LARP4B: variants seen among roughly 807,000 people sequenced by gnomAD.
LARP4B encodes the protein La ribonucleoprotein 4B.
In LARP4B, 12 loss-of-function variants were observed where a neutral mutation model predicts 89.8. That is an observed-to-expected ratio of 0.13 (90% confidence interval 0.09 to 0.22). The LOEUF is 0.22. Ranked by LOEUF, LARP4B falls within the 10% of genes least tolerant of loss-of-function variation. LARP4B has a pLI of 1.00. For missense variants in LARP4B, 757 were observed against 947.7 expected (o/e 0.80, Z 2.64); for synonymous variants, 367 against 363.3 (o/e 1.01, Z -0.12).
At chr10:868,450 C>T (rs763192725) in intron 3 of LARP4B, among the ~76,000 whole-genome samples, 11 of 150,892 alleles carry the variant, frequency 7.3e-5, no homozygotes, top group Non-Finnish European at 1.6e-4. Flanking sequence ...AAGGCACCAT[C>T]GTTAAACGTG....
chr10:830,251 C>T (rs541981206), intron 9 of LARP4B, among the ~76,000 whole-genome samples: 14 of 152,324 alleles, frequency 9.2e-5, no homozygotes, highest in South Asian at 4.1e-4. Context: ...ATTCGCCACA[C>T]GGGCTGGCAG....
intron 9 of LARP4B, among the ~76,000 whole-genome samples, chr10:830,234 C>A (rs966753307): frequency 8.5e-5 from 13 of 152,164 alleles, no homozygotes; most frequent in Non-Finnish European, 8.8e-5. Context: ...CAATATCATC[C>A]GACCACATTC....
the LARP4B span, among the ~76,000 whole-genome samples, chr10:981,863 G>C: frequency 1.3e-5 from 2 of 152,070 alleles, 1 homozygote; most frequent in South Asian, 4.1e-4. Flanking sequence ...ACCGCACCCA[G>C]CCATGTACTG....
At chr10:893,017 T>C (rs1265213999) in intron 1 of LARP4B, among the ~76,000 whole-genome samples, 1 of 151,372 alleles carries the variant, frequency 6.6e-6, no homozygotes, top group Admixed American at 6.6e-5. Flanking sequence ...CTCAGGCAAT[T>C]CTCATGCCTC....
At chr10:833,842 T>C (rs1833058029) in intron 8 of LARP4B, among the ~76,000 whole-genome samples, 1 of 137,686 alleles carries the variant, frequency 7.3e-6, no homozygotes, top group South Asian at 2.2e-4. Context: ...TGAGCTGAGA[T>C]CACACCACTG....
intron 1 of LARP4B, among the ~76,000 whole-genome samples, chr10:908,077 G>T (rs1393011879): frequency 1.3e-5 from 2 of 152,272 alleles, no homozygotes; most frequent in Middle Eastern, 3.4e-3. Flanking sequence ...CTGGTGGCGG[G>T]CACCTGTAAT....
intron 1 of LARP4B, among the ~76,000 whole-genome samples, chr10:897,500 G>A (rs1289368090): frequency 1.3e-5 from 2 of 151,880 alleles, no homozygotes; most frequent in African/African-American, 2.4e-5. Context: ...GTATAAACAG[G>A]AAGAAAAAAA....
At chr10:928,983 T>C in intron 1 of LARP4B, among the ~76,000 whole-genome samples, 1 of 152,238 alleles carries the variant, frequency 6.6e-6, no homozygotes. Flanking sequence ...TTGCATTAAA[T>C]TCAATAAATT....
chr10:948,101 C>T, the LARP4B span, among the ~76,000 whole-genome samples: 6 of 152,150 alleles, frequency 3.9e-5, no homozygotes, highest in Admixed American at 2.0e-4. Flanking sequence ...CACCCACCAC[C>T]GAGATTCCTG....
the LARP4B span, among the ~76,000 whole-genome samples, chr10:967,495 A>C: frequency 9.1e-3 from 1,389 of 152,320 alleles, 23 homozygotes; most frequent in African/African-American, 0.032. Context: ...TAAAAGAATA[A>C]AGATACATTT....
chr10:884,576 G>A, intron 2 of LARP4B, 70 bp from the exon 3 acceptor site: 1 of 1,020,968 alleles, frequency 9.8e-7, no homozygotes, highest in Non-Finnish European at 1.5e-6. Flanking sequence ...TCAAACCACA[G>A]TAATTAGGCA....
At chr10:842,257 G>A (rs1156638726) in intron 7 of LARP4B, among the ~76,000 whole-genome samples, 1 of 151,814 alleles carries the variant, frequency 6.6e-6, no homozygotes, top group Non-Finnish European at 1.5e-5. Context: ...GAGTGCAATG[G>A]CACAATCTCA....
At chr10:962,874 C>T in the LARP4B span, among the ~76,000 whole-genome samples, 13 of 152,174 alleles carry the variant, frequency 8.5e-5, no homozygotes, top group Middle Eastern at 3.4e-3. Context: ...GGAAGACCAC[C>T]GGAACTCACT....
At chr10:835,929 T>A (rs1174608542) in intron 8 of LARP4B, among the ~76,000 whole-genome samples, 3 of 148,260 alleles carry the variant, frequency 2.0e-5, no homozygotes, top group Admixed American at 2.0e-4. Context: ...CAAGACTCCA[T>A]CTCAAAAAAA....
At chr10:911,060 C>G (rs944211534) in intron 1 of LARP4B, among the ~76,000 whole-genome samples, 2 of 152,190 alleles carry the variant, frequency 1.3e-5, no homozygotes, top group Non-Finnish European at 2.9e-5. Flanking sequence ...GTGGAAACAT[C>G]AGCTGGATGT....
At chr10:919,160 ATTAAGT>A (rs1309607343) in intron 1 of LARP4B, among the ~76,000 whole-genome samples, 2 of 152,226 alleles carry the variant, frequency 1.3e-5, no homozygotes, top group Non-Finnish European at 2.9e-5. Context: ...TATTTAAATA[ATTAAGT>A]TATTAAACTA....
chr10:904,785 CTA>C (rs1288045218), intron 1 of LARP4B, among the ~76,000 whole-genome samples: 3 of 152,086 alleles, frequency 2.0e-5, no homozygotes, highest in African/African-American at 7.2e-5. Flanking sequence ...TGTATTAATG[CTA>C]TGTCATGTTC....
the LARP4B span, among the ~76,000 whole-genome samples, chr10:954,020 G>A: frequency 6.6e-6 from 1 of 152,366 alleles, no homozygotes; most frequent in African/African-American, 2.4e-5. This position sits in a 1 kb window ranked among gnomAD's most constrained non-coding sequence, Gnocchi z 5.0. Flanking sequence ...AGAGCCACAT[G>A]GGTTTATCCT....
intron 3 of LARP4B, chr10:873,324 G>C (rs1016818642): frequency 1.0e-6 from 1 of 985,366 alleles, no homozygotes; most frequent in African/African-American, 1.7e-5. Flanking sequence ...AACAGAGCCC[G>C]ACTGACAGCC....
Sources: allele counts gnomAD v4.1 joint callset (sites outside exome capture counted in the v4.1 genomes callset), GRCh38; gene constraint gnomAD v4.1.1; non-coding constraint Gnocchi (gnomAD v3.1); transcripts MANE v1.5; gene names NCBI Gene and HGNC (gene_info 2026-07-23, HGNC 2026-07-21).